The following NBEA variants were observed in gnomAD, a reference collection of about 807,000 sequenced individuals.
The protein encoded by NBEA is lysosomal-trafficking regulator 2.
Under a neutral mutation model 343.4 loss-of-function variants are expected in NBEA, and 44 were observed. The ratio of observed to expected loss-of-function variants is 0.13; its 90% CI spans 0.10 to 0.16. The LOEUF (loss-of-function observed/expected upper bound fraction) is 0.16. Ranked by LOEUF, NBEA falls within the 10% of genes least tolerant of loss-of-function variation. The probability of loss-of-function intolerance (pLI) is 1.00; values close to 1 mark genes in which losing one functional copy is unlikely to be tolerated. For missense variants in NBEA, 2,555 were observed against 3,631.3 expected, an observed-to-expected ratio of 0.70 and a Z score of 7.62; for synonymous variants, 1,175 against 1,238.7, an observed-to-expected ratio of 0.95 and a Z score of 1.08.
chr13:35,404,255 A>G (rs1342236327), intron 38 of NBEA, among the ~76,000 whole-genome samples: 10 of 152,096 alleles, frequency 6.6e-5, no homozygotes, highest in Non-Finnish European at 5.9e-5. Context: ...ATTACTGGGT[A>G]TATACCCAAA....
At chr13:35,424,618 G>T (rs1223650948) in intron 38 of NBEA, among the ~76,000 whole-genome samples, 1 of 152,106 alleles carries the variant, frequency 6.6e-6, no homozygotes, top group Non-Finnish European at 1.5e-5. Context: ...CTCTTTTTCA[G>T]TTGGGTCTCT....
intron 39 of NBEA, among the ~76,000 whole-genome samples, chr13:35,447,996 G>T (rs566213580): frequency 5.3e-5 from 8 of 152,148 alleles, no homozygotes; most frequent in Non-Finnish European, 1.0e-4. Context: ...AGGATATTGT[G>T]ATTGAAAAGC....
intron 41 of NBEA, among the ~76,000 whole-genome samples, chr13:35,515,348 T>C (rs2077442511): frequency 6.6e-6 from 1 of 152,170 alleles, no homozygotes; most frequent in South Asian, 2.1e-4. Flanking sequence ...TTTTAATGCA[T>C]CTGGCAAAGA....
intron 39 of NBEA, among the ~76,000 whole-genome samples, chr13:35,441,378 T>A (rs1011506953): frequency 2.6e-5 from 4 of 152,194 alleles, no homozygotes; most frequent in Non-Finnish European, 4.4e-5. Context: ...TATAGTAATC[T>A]GATTTCTGGT....
intron 1 of NBEA, among the ~76,000 whole-genome samples, chr13:34,993,701 C>G (rs959864666): frequency 6.6e-6 from 1 of 152,126 alleles, no homozygotes; most frequent in Non-Finnish European, 1.5e-5. Flanking sequence ...TGCCGACAGG[C>G]TATAATGTCT....
At chr13:35,575,919 G>A (rs2080713657) in intron 45 of NBEA, among the ~76,000 whole-genome samples, 1 of 151,924 alleles carries the variant, frequency 6.6e-6, no homozygotes, top group African/African-American at 2.4e-5. Context: ...ATTTAAGAGA[G>A]CATGCCAGTT....
At chr13:35,123,211 A>C (rs1329779282) in intron 16 of NBEA, among the ~76,000 whole-genome samples, 1 of 152,210 alleles carries the variant, frequency 6.6e-6, no homozygotes, top group East Asian at 1.9e-4. Context: ...GAGAGAAGAC[A>C]TGTGGCCTAA....
At chr13:35,438,962 G>A (rs926000450) in intron 39 of NBEA, among the ~76,000 whole-genome samples, 1 of 152,194 alleles carries the variant, frequency 6.6e-6, no homozygotes, top group Non-Finnish European at 1.5e-5. Context: ...AACAGACTCA[G>A]AGGACTTGTG....
intron 49 of NBEA, among the ~76,000 whole-genome samples, chr13:35,634,398 G>A (rs901414474): frequency 6.6e-6 from 1 of 152,106 alleles, no homozygotes; most frequent in Non-Finnish European, 1.5e-5. Flanking sequence ...AAATGAATTA[G>A]CAACACTATT....
chr13:35,467,054 G>T (rs2075413734), intron 40 of NBEA, among the ~76,000 whole-genome samples: 1 of 151,912 alleles, frequency 6.6e-6, no homozygotes, highest in Admixed American at 6.6e-5. Context: ...AGCTTTCCTA[G>T]GATTCCAAAA....
At chr13:35,093,962 TTACATAC>T (rs1190930298) in intron 10 of NBEA, among the ~76,000 whole-genome samples, 3 of 151,792 alleles carry the variant, frequency 2.0e-5, no homozygotes, top group African/African-American at 7.2e-5. Flanking sequence ...ATAAATTTTG[TTACATAC>T]TATATACTAA....
chr13:35,607,859 T>G (rs889149933), intron 48 of NBEA, among the ~76,000 whole-genome samples: 1 of 152,154 alleles, frequency 6.6e-6, no homozygotes, highest in Non-Finnish European at 1.5e-5. Flanking sequence ...CCATACCTTT[T>G]AGCATCTTCC....
At chr13:35,206,107 G>A (rs116907121) in intron 31 of NBEA, among the ~76,000 whole-genome samples, 1,856 of 152,036 alleles carry the variant, frequency 0.012, 15 homozygotes, top group Middle Eastern at 0.034. Flanking sequence ...TTTTTAGTAG[G>A]CATTTAACCT....
chr13:35,335,271 A>T (rs2152852216), intron 36 of NBEA, among the ~76,000 whole-genome samples: 1 of 152,264 alleles, frequency 6.6e-6, no homozygotes, highest in South Asian at 2.1e-4. Flanking sequence ...AAGTCAAGTA[A>T]TGAGATTTCC....
chr13:35,340,516 A>G (rs1162816371), intron 36 of NBEA, among the ~76,000 whole-genome samples: 1 of 152,124 alleles, frequency 6.6e-6, no homozygotes. Flanking sequence ...TAGATTTTAC[A>G]AAATGAAACA....
chr13:35,292,893 T>TC (rs1322316824), intron 35 of NBEA, among the ~76,000 whole-genome samples: 1 of 151,968 alleles, frequency 6.6e-6, no homozygotes, highest in Non-Finnish European at 1.5e-5. Flanking sequence ...AAGATAAAAA[T>TC]TTTTTGAGAG....
chr13:35,227,844 A>G (rs184181332), intron 33 of NBEA, among the ~76,000 whole-genome samples: 46 of 152,192 alleles, frequency 3.0e-4, no homozygotes, highest in Admixed American at 1.7e-3. Flanking sequence ...GCCCTAAATA[A>G]GAATAGAATT....
intron 44 of NBEA, among the ~76,000 whole-genome samples, chr13:35,563,506 A>G (rs986848240): frequency 1.3e-5 from 2 of 151,950 alleles, no homozygotes; most frequent in Non-Finnish European, 2.9e-5. Context: ...TCCATGTAAC[A>G]TTAAATACAT....
intron 36 of NBEA, among the ~76,000 whole-genome samples, chr13:35,340,923 A>G (rs2039551987): frequency 6.6e-6 from 1 of 152,032 alleles, no homozygotes; most frequent in Non-Finnish European, 1.5e-5. Flanking sequence ...ATTGCAAGAG[A>G]CATAGGATAA....
Sources: allele counts gnomAD v4.1 joint callset (sites outside exome capture counted in the v4.1 genomes callset), GRCh38; gene constraint gnomAD v4.1.1; transcripts MANE v1.5; gene names NCBI Gene and HGNC (gene_info 2026-07-23, HGNC 2026-07-21).